The following WDR19 variants were observed in gnomAD, a reference collection of about 807,000 sequenced individuals.
WDR19 encodes the protein WD repeat domain 19.
A neutral mutation model predicts 180.0 loss-of-function variants in WDR19; 121 were observed. That is an observed-to-expected ratio of 0.67 (90% CI 0.58 to 0.78). The LOEUF is 0.78. Ranked by LOEUF, WDR19 falls within the 30% of genes least tolerant of loss-of-function variation. WDR19 has a pLI of 0.00. For synonymous variants in WDR19, 497 were observed against 540.7 expected (o/e 0.92, Z 1.12); for missense variants, 1,450 against 1,640.7 (o/e 0.88, Z 2.01).
At chr4:39,235,670 A>C in intron 20 of WDR19, among the ~76,000 whole-genome samples, 1 of 152,262 alleles carries the variant, frequency 6.6e-6, no homozygotes, top group Admixed American at 6.5e-5. Flanking sequence ...TCTGCACAGC[A>C]AAAGAAACAA....
rs376870184 is a variant in WDR19 at position 39,272,965 on chromosome 4, T to C, written c.3484-15T>C. On this transcript the variant is annotated splice_polypyrimidine_tract_variant and intron_variant, in intron 31 of 36. Transcript: ENST00000399820. ...CAATGACTATAAGAAGAGTAAAATA[T>C]GTCATTTGTTTCAGATTCATGTTAA... The C allele has an allele frequency of 1.6e-4, 260 of 1,576,918 alleles. No individual in the cohort carries two copies. The highest frequency in any genetic ancestry group is 1.4e-3 in the Admixed American group (74 of 54,548).
chr4:39,269,235 G>A (rs1735105382), intron 30 of WDR19, among the ~76,000 whole-genome samples: 1 of 152,228 alleles, frequency 6.6e-6, no homozygotes, highest in Admixed American at 6.5e-5. Flanking sequence ...GGCGCCATTG[G>A]AGGGTTTTAT....
At chr4:39,207,991 G>A (rs541799938) in intron 9 of WDR19, among the ~76,000 whole-genome samples, 3 of 152,176 alleles carry the variant, frequency 2.0e-5, no homozygotes, top group Admixed American at 6.5e-5. Context: ...GTTTTTGTAT[G>A]CGATAAGACT....
At chr4:39,198,983 G>GTGAGAC (rs967076203) in intron 5 of WDR19, among the ~76,000 whole-genome samples, 1 of 150,508 alleles carries the variant, frequency 6.6e-6, no homozygotes, top group Non-Finnish European at 1.5e-5. Context: ...GGGCAAGAGA[G>GTGAGAC]TGAGACTCTG....
At chr4:39,281,197 A>G (rs1736464333) in intron 36 of WDR19, among the ~76,000 whole-genome samples, 1 of 85,736 alleles carries the variant, frequency 1.2e-5, no homozygotes, top group Non-Finnish European at 2.3e-5. Context: ...TCTTTGTCCT[A>G]AATATATATG....
At chr4:39,280,533 T>C (rs1012618668) in intron 36 of WDR19, among the ~76,000 whole-genome samples, 1 of 151,584 alleles carries the variant, frequency 6.6e-6, no homozygotes, top group African/African-American at 2.4e-5. Flanking sequence ...CATACACCTG[T>C]AGTCCCCGCT....
chr4:39,223,653 T>C (rs766744690), intron 14 of WDR19, among the ~76,000 whole-genome samples: 4 of 152,192 alleles, frequency 2.6e-5, no homozygotes, highest in Admixed American at 6.5e-5. Context: ...AATACAGGCA[T>C]CTTTAAAACA....
At chr4:39,228,966 C>G (rs1054403949) in intron 17 of WDR19, among the ~76,000 whole-genome samples, 3 of 152,158 alleles carry the variant, frequency 2.0e-5, no homozygotes, top group African/African-American at 7.2e-5. Flanking sequence ...ACCATCCCGC[C>G]TTTTGGAGTT....
At chr4:39,241,480 T>G (rs1402664084) in intron 21 of WDR19, among the ~76,000 whole-genome samples, 26 of 98,244 alleles carry the variant, frequency 2.6e-4, no homozygotes, top group African/African-American at 4.9e-4. Context: ...GGCAACAGAG[T>G]GAGACTATAT....
At chr4:39,259,157 A>G (rs1013940403) in intron 28 of WDR19, among the ~76,000 whole-genome samples, 3 of 152,224 alleles carry the variant, frequency 2.0e-5, no homozygotes, top group Non-Finnish European at 2.9e-5. Flanking sequence ...AGTTTGTTCT[A>G]TCTGTCTCAT....
At chr4:39,204,788 C>T (rs1046047581) in intron 7 of WDR19, among the ~76,000 whole-genome samples, 1 of 152,142 alleles carries the variant, frequency 6.6e-6, no homozygotes, top group Non-Finnish European at 1.5e-5. Context: ...AAGAGCAGAA[C>T]AGCCTCTTAG....
At chr4:39,214,013 A>C (rs1472016261) in intron 9 of WDR19, among the ~76,000 whole-genome samples, 1 of 152,228 alleles carries the variant, frequency 6.6e-6, no homozygotes, top group Non-Finnish European at 1.5e-5. Context: ...GAGGAAAGAA[A>C]TGTTACAACT....
chr4:39,263,053 T>C (rs1047226231), intron 28 of WDR19, among the ~76,000 whole-genome samples: 14 of 152,200 alleles, frequency 9.2e-5, no homozygotes, highest in South Asian at 2.1e-4. Flanking sequence ...GTCAAAATGC[T>C]TGTGCTTCAC....
Position 39,205,610 on chromosome 4 carries a change from T to C in WDR19, c.764T>C (p.Val255Ala). ...ATTGGTTTTTCATGTGGACATTTTG[T>C]GGTCATTTCTACTCATACTGGAGAG... ...IMIGFSCGHF[V>A]VISTHTGELG... Residue 255 changes from valine (V) to alanine (A), a missense_variant, in exon 9 of 37, where the codon GTG becomes GCG. Val to Ala is a moderately conservative substitution (Grantham distance 64). Transcript: ENST00000399820. The C allele has an allele frequency of 1.2e-6, 2 of 1,613,514 alleles. No individual in the cohort carries two copies. Among genetic ancestry groups the C allele is most frequent in the Non-Finnish European group, 1.7e-6 (2 of 1,179,694 alleles).
chr4:39,217,032 C>T, intron 12 of WDR19, 102 bp from the exon 13 acceptor site: 1 of 670,940 alleles, frequency 1.5e-6, no homozygotes. Context: ...ATTTTAAGTT[C>T]AGAATATTTT....
At chr4:39,201,355 T>C (rs546618544) in intron 6 of WDR19, among the ~76,000 whole-genome samples, 1 of 152,302 alleles carries the variant, frequency 6.6e-6, no homozygotes, top group South Asian at 2.1e-4. Context: ...TCATATCATA[T>C]GACTAGAACC....
chr4:39,194,911 A>AT (rs1726562731), intron 5 of WDR19: 1 of 404,310 alleles, frequency 2.5e-6, no homozygotes, highest in East Asian at 3.9e-5. Context: ...CATTAACAGC[A>AT]TGGCTTCCAT....
At chr4:39,255,442 A>G (rs558730282) in intron 26 of WDR19, among the ~76,000 whole-genome samples, 2 of 152,246 alleles carry the variant, frequency 1.3e-5, no homozygotes, top group African/African-American at 4.8e-5. Flanking sequence ...TTCTTCCTCT[A>G]TGCTTAATAT....
chr4:39,256,174 CTAACT>C (rs1733741301), intron 27 of WDR19, among the ~76,000 whole-genome samples: 2 of 152,230 alleles, frequency 1.3e-5, no homozygotes. Flanking sequence ...CACTTTCATT[CTAACT>C]ACTGTCAGCT....
Sources: allele counts gnomAD v4.1 joint callset (sites outside exome capture counted in the v4.1 genomes callset), GRCh38; gene constraint gnomAD v4.1.1; transcripts MANE v1.5; gene names NCBI Gene and HGNC (gene_info 2026-07-23, HGNC 2026-07-21).